The following ZC3H18 variants were observed in gnomAD, a reference collection of about 807,000 sequenced individuals.
ZC3H18 encodes the protein zinc finger CCCH domain-containing protein 18.
Under a neutral mutation model 106.1 loss-of-function variants are expected in ZC3H18, and 8 were observed. The observed-to-expected ratio is 0.08, with a 90% CI of 0.04 to 0.14. ZC3H18 has a LOEUF of 0.14. Among genes scored for constraint, ZC3H18 ranks in the 10% least tolerant of loss-of-function variants. The pLI, the probability that ZC3H18 is intolerant of heterozygous loss-of-function variation, is 1.00. For missense variants in ZC3H18, 1,318 were observed against 1,278.4 expected (o/e 1.03, Z -0.47); for synonymous variants, 635 against 522.1 (o/e 1.22, Z -2.95).
At chr16:88,613,171 A>G (rs556996718) in intron 8 of ZC3H18, among the ~76,000 whole-genome samples, 74 of 152,294 alleles carry the variant, frequency 4.9e-4, no homozygotes, top group Admixed American at 1.2e-3. Flanking sequence ...TTCTACTCCG[A>G]GCGTTTTTAA....
rs751109241 is a variant in ZC3H18 at position 88,623,940 on chromosome 16, C to G, written c.1794-18C>G. 13 of 1,603,030 alleles carry G rather than the reference C, an allele frequency of 8.1e-6. No homozygotes were observed. The highest frequency in any genetic ancestry group is 1.7e-5 in the Admixed American group (1 of 59,104). On this transcript the variant is annotated intron_variant, in intron 10 of 17. Transcript: ENST00000301011. The stretch of plus-strand genomic sequence containing the variant: ...AACACCCCCAGGCCCCTTCCGACAC[C>G]TTTGTTCACTCCCCTAGGTCCCGGT...
Position 88,598,221 on chromosome 16 carries a change from A to G in ZC3H18, c.732A>G (p.Gly244=). The G allele has an allele frequency of 6.2e-7, 1 of 1,613,662 alleles. No individual in the cohort carries two copies. Among genetic ancestry groups the G allele is most frequent in the Non-Finnish European group, 8.5e-7 (1 of 1,179,870 alleles). Residue 244 remains glycine, a synonymous_variant, in exon 4 of 18, where the codon GGA becomes GGG. Transcript: ENST00000301011. ...WGMNCRFIHP[G]VNDKGNYSLI... ...TGAATTGTAGGTTTATACACCCTGG[A>G]GTGAACGACAAGGGGAACTACTCCC...
chr16:88,586,480 A>G (rs1915441640), intron 2 of ZC3H18, 120 bp from the exon 3 acceptor site: 5 of 826,940 alleles, frequency 6.0e-6, no homozygotes, highest in Non-Finnish European at 1.0e-5. Flanking sequence ...ATTGACGTGA[A>G]TTCAATTCCT....
chr16:88,623,060 C>A, intron 9 of ZC3H18, 159 bp from the exon 10 acceptor site: 1 of 995,984 alleles, frequency 1.0e-6, no homozygotes, highest in Non-Finnish European at 1.4e-6. Flanking sequence ...AGGCTGTATG[C>A]GTCTGTGCGC....
chr16:88,592,560 C>T (rs1016642829), intron 3 of ZC3H18, among the ~76,000 whole-genome samples: 3 of 152,254 alleles, frequency 2.0e-5, no homozygotes, highest in Admixed American at 2.0e-4. Flanking sequence ...TTGCAACCTC[C>T]ACCTCCCGGG....
chr16:88,585,307 G>A (rs1473458409), intron 2 of ZC3H18, among the ~76,000 whole-genome samples: 1 of 152,236 alleles, frequency 6.6e-6, no homozygotes, highest in Non-Finnish European at 1.5e-5. Context: ...AGCTGTGAAA[G>A]TTTAGGTTGT....
At chr16:88,588,929 G>A (rs1006735412) in intron 3 of ZC3H18, among the ~76,000 whole-genome samples, 26 of 151,840 alleles carry the variant, frequency 1.7e-4, no homozygotes, top group Admixed American at 1.3e-3. Context: ...GCATTTTTGC[G>A]GCTTAATCAG....
chr16:88,631,186 A>T lies in ZC3H18; in HGVS notation c.2749A>T (p.Thr917Ser), dbSNP rs1906670853. ...AGCCTCGGATCCCGGCGCCGCCAGC[A>T]CCAAATCAGGGAAGGCCAGCACGCT... The part of the protein sequence containing the change: ...GKASDPGAAS[T>S]KSGKASTLSR... Residue 917 changes from threonine to serine, a missense_variant, in exon 18 of 18, where the codon ACC (threonine) becomes TCC (serine). Coordinates refer to ENST00000301011, the MANE Select transcript of ZC3H18 (RefSeq NM_144604.4). 1 of 1,613,436 alleles carries T rather than the reference A, an allele frequency of 6.2e-7. No individual in the cohort carries two copies. The highest frequency in any genetic ancestry group is 1.3e-5 in the African/African-American group (1 of 74,834).
chr16:88,595,699 C>T (rs1288901399), intron 3 of ZC3H18, among the ~76,000 whole-genome samples: 1 of 150,710 alleles, frequency 6.6e-6, no homozygotes, highest in African/African-American at 2.4e-5. Context: ...CCCAGCTACT[C>T]GGGAGGCTGA....
chr16:88,586,780 A>T, intron 3 of ZC3H18, 96 bp downstream of exon 3: 2 of 942,114 alleles, frequency 2.1e-6, no homozygotes, highest in Non-Finnish European at 3.4e-6. Flanking sequence ...TGCTCTGCTC[A>T]AGGCAGTTCT....
intron 8 of ZC3H18, among the ~76,000 whole-genome samples, chr16:88,615,158 C>CGTTCCCTCTGCCTGG: frequency 1.3e-5 from 2 of 150,918 alleles, no homozygotes; most frequent in Non-Finnish European, 1.5e-5. Flanking sequence ...CCACCTCCTC[C>CGTTCCCTCTGCCTGG]ATTCCCTCTG....
chr16:88,601,916 G>GTTCT (rs1904768283), intron 6 of ZC3H18, among the ~76,000 whole-genome samples: 1 of 152,138 alleles, frequency 6.6e-6, no homozygotes, highest in African/African-American at 2.4e-5. Context: ...AACTGTCAGG[G>GTTCT]TTCTGCCAGG....
At chr16:88,579,400 C>A (rs1914969759) in intron 2 of ZC3H18, among the ~76,000 whole-genome samples, 2 of 152,108 alleles carry the variant, frequency 1.3e-5, no homozygotes, top group Admixed American at 1.3e-4. Context: ...AGGGCTCTGG[C>A]GTGCTCTAGT....
chr16:88,606,484 T>C (rs1905016691), intron 6 of ZC3H18, among the ~76,000 whole-genome samples: 1 of 152,232 alleles, frequency 6.6e-6, no homozygotes, highest in South Asian at 2.1e-4. Flanking sequence ...AAAACAAATT[T>C]GCCGGCACAG....
chr16:88,624,091 G>T, intron 11 of ZC3H18, 29 bp downstream of exon 11: 1 of 1,610,572 alleles, frequency 6.2e-7, no homozygotes. Context: ...GGCAAGTCCT[G>T]GCCGGCCAGG....
intron 17 of ZC3H18, 75 bp downstream of exon 17, chr16:88,630,656 G>A: frequency 1.5e-6 from 2 of 1,328,440 alleles, no homozygotes; most frequent in Non-Finnish European, 2.1e-6. Flanking sequence ...GAGGCCAGCA[G>A]CAGCAGGGCT....
chr16:88,597,077 C>A (rs532481027), intron 3 of ZC3H18, among the ~76,000 whole-genome samples: 2 of 152,168 alleles, frequency 1.3e-5, no homozygotes, highest in African/African-American at 4.8e-5. Context: ...CCTGCCACCA[C>A]GTCCGGCTAA....
At chr16:88,631,009 G>T in intron 17 of ZC3H18, 92 bp from the exon 18 acceptor site, 1 of 1,523,172 alleles carries the variant, frequency 6.6e-7, no homozygotes, top group Non-Finnish European at 9.0e-7. Flanking sequence ...TGGCCGCTGA[G>T]GACACAGTGG....
chr16:88,583,159 C>G (rs953640767), intron 2 of ZC3H18, among the ~76,000 whole-genome samples: 1 of 152,230 alleles, frequency 6.6e-6, no homozygotes, highest in Non-Finnish European at 1.5e-5. Flanking sequence ...CTGCATCTGC[C>G]TTTGTACAGA....
Sources: allele counts gnomAD v4.1 joint callset (sites outside exome capture counted in the v4.1 genomes callset), GRCh38; gene constraint gnomAD v4.1.1; transcripts MANE v1.5; gene names NCBI Gene and HGNC (gene_info 2026-07-23, HGNC 2026-07-21).